ZNF462: variants seen among roughly 807,000 people sequenced by gnomAD.
The protein encoded by ZNF462 is zinc finger protein 462.
A neutral mutation model predicts 201.9 loss-of-function variants in ZNF462; 10 were observed. The ratio of observed to expected loss-of-function variants is 0.05; its 90% CI spans 0.03 to 0.08. ZNF462 has a LOEUF of 0.08. ZNF462 is among the 10% of genes least tolerant of loss of function. The pLI, the probability that ZNF462 is intolerant of heterozygous loss-of-function variation, is 1.00. For missense variants in ZNF462, 2,523 were observed against 3,168.3 expected, an observed-to-expected ratio of 0.80 and a Z score of 4.89; for synonymous variants, 1,227 against 1,193.3, an observed-to-expected ratio of 1.03 and a Z score of -0.58.
intron 1 of ZNF462, among the ~76,000 whole-genome samples, chr9:106,903,059 A>G (rs1213456584): frequency 7.9e-5 from 12 of 151,814 alleles, no homozygotes; most frequent in Non-Finnish European, 1.8e-4. Context: ...TTTGATGTAG[A>G]TGTAGGCATT....
chr9:106,872,276 G>A lies in ZNF462; in HGVS notation c.-31+8921G>A, dbSNP rs1827625857. ...TCACCCAGAATCTTTTCTCTTCAGTGGTTTCTATCTTAAATAGTCTTCTCT... is the reference window on the plus strand; with the variant it reads ...TCACCCAGAATCTTTTCTCTTCAGTAGTTTCTATCTTAAATAGTCTTCTCT... On this transcript the variant is annotated intron_variant, in intron 1 of 12. Transcript: ENST00000277225. The surrounding 1 kb of genome is among the most constrained non-coding windows in gnomAD (Gnocchi z 4.5). Among the ~76,000 whole-genome samples the A allele has an allele frequency of 6.6e-6, 1 of 152,080 alleles. No homozygotes were observed. The highest frequency in any genetic ancestry group is 2.1e-4 in the South Asian group (1 of 4,826).
At chr9:106,914,976 A>G (rs1469556114) in intron 1 of ZNF462, among the ~76,000 whole-genome samples, 2 of 152,164 alleles carry the variant, frequency 1.3e-5, no homozygotes, top group Non-Finnish European at 2.9e-5. Flanking sequence ...AGGAAAAAAA[A>G]TCTTAGAAAA....
Position 106,927,856 on chromosome 9 carries a change from A to C in ZNF462, c.3944A>C (p.Glu1315Ala). Residue 1315 changes from glutamate to alanine, a missense_variant, in exon 3 of 13, where the codon GAG (glutamate) becomes GCG (alanine). Glu to Ala is a moderately radical substitution (Grantham distance 107, BLOSUM62 -1). Transcript: ENST00000277225. ...TTGATAGAAGCTGGCTACCACTGCG[A>C]GTGGTGCATCTACTCCCATACGGAG... ...DGLIEAGYHCEWCIYSHTEPN... is the reference protein window; with the variant it reads ...DGLIEAGYHCAWCIYSHTEPN... 1 of 1,614,166 alleles carries C rather than the reference A, an allele frequency of 6.2e-7. No homozygotes were observed. The highest frequency in any genetic ancestry group is 8.5e-7 in the Non-Finnish European group (1 of 1,180,034).
chr9:106,923,293 T>G lies in ZNF462; in HGVS notation c.-30-61T>G. 2 of 1,276,454 alleles carry G rather than the reference T, an allele frequency of 1.6e-6. No individual in the cohort carries two copies. The highest frequency in any genetic ancestry group is 2.5e-5 in the South Asian group (2 of 81,042). The allele number at this position is 1,276,454 out of a possible 1,614,324, so 79.1% of individuals were successfully genotyped here. A position where few individuals can be genotyped will look rare whatever the true frequency, so the allele number is the denominator to read the frequency against. On this transcript the variant is annotated intron_variant, in intron 1 of 12. Coordinates refer to ENST00000277225, the MANE Select transcript of ZNF462 (RefSeq NM_021224.6). The surrounding 1 kb of genome is among the most constrained non-coding windows in gnomAD (Gnocchi z 5.6). ...TCCCATTAATGGATATATAGCCCCA[T>G]CAGCTCGAGGTATGTGATTAGTGCA... is the stretch of plus-strand genomic sequence containing the variant.
chr9:106,993,682 A>G lies in ZNF462; in HGVS notation c.7056+9273A>G, dbSNP rs1439777980. Among the ~76,000 whole-genome samples the G allele has an allele frequency of 7.0e-6, 1 of 141,928 alleles. No homozygotes were observed. The highest frequency in any genetic ancestry group is 1.5e-5 in the Non-Finnish European group (1 of 65,764). 93.1% of individuals were successfully genotyped at this position (141,928 alleles called of 152,430 possible). A position where few individuals can be genotyped will look rare whatever the true frequency, so the allele number is the denominator to read the frequency against. On this transcript the variant is annotated intron_variant, in intron 10 of 12. Transcript: ENST00000277225. This position sits in a 1 kb window ranked among gnomAD's most constrained non-coding sequence, Gnocchi z 4.0. Reference sequence around the variant, plus strand: ...CTGTCCCCCAACATTCTACCCCCCAACACACATAGTGAATTATTTATCAGT... The same window carrying G: ...CTGTCCCCCAACATTCTACCCCCCAGCACACATAGTGAATTATTTATCAGT...
At position 106,981,070 on chromosome 9, in the gene ZNF462, C is replaced by T. The variant is rs1827393683; in HGVS notation, c.6833-3116C>T. Reference sequence around the variant, plus strand: ...TTTATTTTTATCTTGGTCATGTTAACCATGTTTTTAGAAAGGGGAAAAAGC... The same window carrying T: ...TTTATTTTTATCTTGGTCATGTTAATCATGTTTTTAGAAAGGGGAAAAAGC... On this transcript the variant is annotated intron_variant, in intron 9 of 12. Coordinates refer to ENST00000277225, the MANE Select transcript of ZNF462 (RefSeq NM_021224.6). This position sits in a 1 kb window ranked among gnomAD's most constrained non-coding sequence, Gnocchi z 4.0. Among the ~76,000 whole-genome samples the T allele has an allele frequency of 6.6e-6, 1 of 152,058 alleles. No homozygotes were observed. Among genetic ancestry groups the T allele is most frequent in the South Asian group, 2.1e-4 (1 of 4,812 alleles).
At chr9:106,949,330 T>A (rs944246370) in intron 7 of ZNF462, among the ~76,000 whole-genome samples, 1 of 152,314 alleles carries the variant, frequency 6.6e-6, no homozygotes, top group East Asian at 1.9e-4. Flanking sequence ...TAAATTGTTT[T>A]GAATTAGGAC....
chr9:106,979,976 C>T lies in ZNF462; in HGVS notation c.6833-4210C>T, dbSNP rs562157625. On this transcript the variant is annotated intron_variant, in intron 9 of 12. Coordinates refer to ENST00000277225, the MANE Select transcript of ZNF462 (RefSeq NM_021224.6). Reference sequence around the variant, plus strand: ...ACCTTGCAAGTGGGAGCCTTGGGAACGGAAATAATCTCCCCTAATTTATCT... The same window carrying T: ...ACCTTGCAAGTGGGAGCCTTGGGAATGGAAATAATCTCCCCTAATTTATCT... 8.5e-5 allele frequency among the ~76,000 whole-genome samples: 13 copies of T among 152,268 alleles called. No individual in the cohort carries two copies. In the East Asian group the frequency reaches 1.2e-3, roughly 14 times the overall value.
At chr9:106,994,008 A>G (rs1647614459) in intron 10 of ZNF462, among the ~76,000 whole-genome samples, 1 of 152,150 alleles carries the variant, frequency 6.6e-6, no homozygotes. Context: ...AAGAAAGTTT[A>G]TATGCAATAC....
intron 10 of ZNF462, among the ~76,000 whole-genome samples, chr9:107,000,286 T>C (rs1194755576): frequency 6.6e-6 from 1 of 151,858 alleles, no homozygotes; most frequent in Non-Finnish European, 1.5e-5. Context: ...GTTAAGAAAT[T>C]TGTATTTCAT....
chr9:106,899,250 G>GT (rs1828952045), intron 1 of ZNF462, among the ~76,000 whole-genome samples: 1 of 134,984 alleles, frequency 7.4e-6, no homozygotes, highest in Admixed American at 7.5e-5. Context: ...GGGGGGGGGG[G>GT]GGTGTGTGCA....
chr9:106,918,235 C>A (rs1293939547), intron 1 of ZNF462, among the ~76,000 whole-genome samples: 1 of 152,066 alleles, frequency 6.6e-6, no homozygotes, highest in Admixed American at 6.6e-5. Context: ...TGTATTTATT[C>A]AGAAAAGAAC....
At chr9:106,897,476 G>A (rs1235014639) in intron 1 of ZNF462, among the ~76,000 whole-genome samples, 1 of 151,874 alleles carries the variant, frequency 6.6e-6, no homozygotes, top group Non-Finnish European at 1.5e-5. Flanking sequence ...GATCTTTGAA[G>A]ACTTACTTTT....
intron 1 of ZNF462, among the ~76,000 whole-genome samples, chr9:106,891,414 GACAT>G (rs1245746363): frequency 1.3e-5 from 2 of 151,990 alleles, no homozygotes; most frequent in African/African-American, 4.8e-5. Flanking sequence ...TGTTGGCGGA[GACAT>G]ACAATAGGCT....
Position 106,928,207 on chromosome 9 carries a change from G to C in ZNF462, c.4295G>C (p.Ser1432Thr), listed in dbSNP as rs774804666. ...ELAGPVNCEN[S>T]IPTPFPEQEA... ...GCAGGCCCTGTGAATTGTGAAAACA[G>C]TATACCCACCCCTTTCCCGGAGCAG... is the stretch of plus-strand genomic sequence containing the variant. Residue 1432 changes from serine (S) to threonine (T), a missense_variant, in exon 3 of 13, where the codon AGT becomes ACT. Around this residue, in one of 15 missense-constraint regions of ZNF462, gnomAD observed 165 missense variants for 142.6 expected, o/e 1.16. Transcript: ENST00000277225. This position sits in a 1 kb window ranked among gnomAD's most constrained non-coding sequence, Gnocchi z 9.3. 9 of 1,614,032 alleles carry C rather than the reference G, an allele frequency of 5.6e-6. No individual in the cohort carries two copies. In the South Asian group the frequency reaches 8.8e-5, roughly 16 times the overall value.
chr9:107,004,453 T>G (rs1276722196), intron 11 of ZNF462, among the ~76,000 whole-genome samples: 2 of 152,158 alleles, frequency 1.3e-5, no homozygotes, highest in African/African-American at 4.8e-5. Flanking sequence ...GGGTAAATTA[T>G]TGTATTTCCT....
Position 106,888,548 on chromosome 9 carries a change from C to G in ZNF462, c.-31+25193C>G, listed in dbSNP as rs143591936. ...ACTGTCATTTCCAATTCAGTTGCAT[C>G]CATTTGCCCATCTTGGCCAGTTTGG... is the stretch of plus-strand genomic sequence containing the variant. On this transcript the variant is annotated intron_variant, in intron 1 of 12. Coordinates refer to ENST00000277225, the MANE Select transcript of ZNF462 (RefSeq NM_021224.6). Among the ~76,000 whole-genome samples, 662 of 152,028 alleles carry G rather than the reference C, an allele frequency of 4.4e-3. 6 individuals are homozygous for G. Among genetic ancestry groups the G allele is most frequent in the African/African-American group, 0.015 (628 of 41,408 alleles).
Position 106,917,486 on chromosome 9 carries a change from A to G in ZNF462, c.-30-5868A>G, listed in dbSNP as rs10816455. Among the ~76,000 whole-genome samples the G allele has an allele frequency of 0.13, 20,093 of 152,212 alleles. 1,381 individuals carry two copies. The highest frequency in any genetic ancestry group is 0.18 in the Middle Eastern group (54 of 294). ...AGGCCACATGCATTGGCAGGACTTC[A>G]TCTCATGGTATTTCCCTGCTACTAT... On this transcript the variant is annotated intron_variant, in intron 1 of 12. Transcript: ENST00000277225. The surrounding 1 kb of genome is among the most constrained non-coding windows in gnomAD (Gnocchi z 4.5).
chr9:106,884,474 G>A (rs1828233808), intron 1 of ZNF462, among the ~76,000 whole-genome samples: 1 of 151,828 alleles, frequency 6.6e-6, no homozygotes, highest in Non-Finnish European at 1.5e-5. Context: ...GTGGTTACTG[G>A]ATACTGAGTG....
Sources: gnomAD v4.1 joint callset for allele counts (sites outside exome capture counted in the v4.1 genomes callset) on GRCh38, gnomAD v4.1.1 for gene constraint, gnomAD v4.1.1 regional missense constraint, Gnocchi (gnomAD v3.1) non-coding constraint, MANE v1.5 for transcripts, NCBI Gene and HGNC (gene_info 2026-07-23, HGNC 2026-07-21) for gene names.